MGA: variants seen among roughly 807,000 people sequenced by gnomAD.
MGA encodes the protein MAX dimerization protein MGA, also known as MAX gene-associated protein.
Under a neutral mutation model 261.1 loss-of-function variants are expected in MGA, and 40 were observed. The observed-to-expected ratio is 0.15, with a 90% CI of 0.12 to 0.20. The LOEUF (loss-of-function observed/expected upper bound fraction) is 0.20. Ranked by LOEUF, MGA falls within the 10% of genes least tolerant of loss-of-function variation. MGA has a pLI of 1.00. For missense variants in MGA, 3,397 were observed against 3,630.5 expected (o/e 0.94, Z 1.65); for synonymous variants, 1,302 against 1,290.6 (o/e 1.01, Z -0.19).
intron 1 of MGA, among the ~76,000 whole-genome samples, chr15:41,636,395 C>T (rs956561830): frequency 2.6e-5 from 4 of 151,242 alleles, no homozygotes; most frequent in Admixed American, 6.6e-5. Flanking sequence ...CAGGTTCAAG[C>T]GTTTCTTCTG....
Position 41,720,028 on chromosome 15 carries a change from C to T in MGA, c.3430+6532C>T, listed in dbSNP as rs1003436279. Among the ~76,000 whole-genome samples, 8 of 152,076 alleles carry T rather than the reference C, an allele frequency of 5.3e-5. 1 individual carries two copies. The highest frequency in any genetic ancestry group is 4.6e-4 in the Admixed American group (7 of 15,278). ...CTTTCATCTGTAATCTTATTTCAGT[C>T]CTAATCAAAACTCTGATAGCTTTTT... On this transcript the variant is annotated intron_variant, in intron 9 of 23. Coordinates refer to ENST00000219905, the MANE Select transcript of MGA (RefSeq NM_001164273.2).
chr15:41,750,742 A>G, intron 17 of MGA, 127 bp downstream of exon 17: 1 of 836,228 alleles, frequency 1.2e-6, no homozygotes, highest in South Asian at 1.9e-5. Context: ...TAAGATTATG[A>G]CTTAAATGGC....
chr15:41,705,094 A>G (rs996319350), intron 5 of MGA, among the ~76,000 whole-genome samples: 1 of 152,174 alleles, frequency 6.6e-6, no homozygotes. Context: ...ATTCAGCCAA[A>G]TTATTTTCTG....
At chr15:41,684,000 C>T (rs1016565572) in intron 2 of MGA, among the ~76,000 whole-genome samples, 5 of 152,012 alleles carry the variant, frequency 3.3e-5, no homozygotes, top group South Asian at 4.1e-4. Flanking sequence ...GCATGCTAAG[C>T]ACCAGTTTTA....
chr15:41,625,982 A>G (rs909916798), intron 1 of MGA, among the ~76,000 whole-genome samples: 4 of 152,210 alleles, frequency 2.6e-5, no homozygotes, highest in African/African-American at 9.6e-5. Context: ...TCACATTTAC[A>G]TAACTTTTAT....
intron 9 of MGA, among the ~76,000 whole-genome samples, chr15:41,723,207 G>A (rs2061042761): frequency 6.6e-6 from 1 of 152,030 alleles, no homozygotes; most frequent in Non-Finnish European, 1.5e-5. Context: ...AAGAGTAGGA[G>A]AATCTCTAGT....
intron 1 of MGA, among the ~76,000 whole-genome samples, chr15:41,639,509 A>G (rs1156302059): frequency 6.7e-6 from 1 of 150,004 alleles, no homozygotes; most frequent in East Asian, 1.9e-4. Flanking sequence ...AGTCAGGAGC[A>G]TGTAGTTTTT....
At chr15:41,695,905 G>A (rs150676015) in intron 2 of MGA, among the ~76,000 whole-genome samples, 170 bp from the exon 3 acceptor site, 38 of 152,230 alleles carry the variant, frequency 2.5e-4, no homozygotes, top group African/African-American at 6.3e-4. Flanking sequence ...CGCTTTACAG[G>A]GTTGTTAATC....
chr15:41,756,844 T>G (rs1029386025), intron 18 of MGA, among the ~76,000 whole-genome samples: 7 of 152,314 alleles, frequency 4.6e-5, no homozygotes, highest in African/African-American at 1.7e-4. Context: ...TCCTCGTGCC[T>G]TGGCCTCCTA....
At position 41,732,150 on chromosome 15, in the gene MGA, C is replaced by CT. The variant is rs934455098; in HGVS notation, c.3844-2357dup. ...AGCCCCTAAAATCCATTTTGTTATC[C>CT]TTTTTTTTTTTTTTTGGAGACGAAT... On this transcript the variant is annotated intron_variant, in intron 11 of 23. Transcript: ENST00000219905. Among the ~76,000 whole-genome samples, 1,364 of 141,012 alleles carry CT rather than the reference C, an allele frequency of 9.7e-3. 4 individuals are homozygous for CT. Among genetic ancestry groups the CT allele is most frequent in the African/African-American group, 0.015 (578 of 38,670 alleles). The allele number at this position is 141,012 out of a possible 152,430, so 92.5% of individuals were successfully genotyped here.
chr15:41,746,540 G>A (rs1261081602), intron 15 of MGA, among the ~76,000 whole-genome samples: 43 of 100,650 alleles, frequency 4.3e-4, no homozygotes, highest in African/African-American at 1.5e-3. Context: ...GCGAGACTTC[G>A]TCTCAAAAAA....
At chr15:41,708,710 A>C (rs939499907) in intron 7 of MGA, among the ~76,000 whole-genome samples, 13 of 152,224 alleles carry the variant, frequency 8.5e-5, no homozygotes, top group African/African-American at 3.1e-4. Context: ...AGGTTCAGTC[A>C]GGCTTAAATA....
intron 1 of MGA, among the ~76,000 whole-genome samples, chr15:41,631,382 T>G (rs2056584924): frequency 6.6e-6 from 1 of 152,186 alleles, no homozygotes; most frequent in African/African-American, 2.4e-5. Context: ...ATTTCATGTC[T>G]ATAAAGAAAG....
intron 2 of MGA, among the ~76,000 whole-genome samples, chr15:41,688,949 G>A (rs1440408651): frequency 6.6e-6 from 1 of 152,092 alleles, no homozygotes; most frequent in African/African-American, 2.4e-5. Context: ...AGCGGGGGAT[G>A]TCTCTCTTCC....
upstream of MGA, among the ~76,000 whole-genome samples, chr15:41,659,464 C>T (rs986875768): frequency 2.0e-5 from 3 of 152,204 alleles, no homozygotes; most frequent in East Asian, 1.9e-4. Flanking sequence ...TGCTCTCCTA[C>T]TCCCTACTTC....
chr15:41,747,771 T>G (rs1054639205), intron 15 of MGA, among the ~76,000 whole-genome samples: 81 of 152,188 alleles, frequency 5.3e-4, no homozygotes, highest in African/African-American at 1.9e-3. Context: ...GAGATAACCA[T>G]GTTTTTCTTT....
At chr15:41,685,954 G>A (rs1396750795) in intron 2 of MGA, among the ~76,000 whole-genome samples, 3 of 150,540 alleles carry the variant, frequency 2.0e-5, no homozygotes, top group Non-Finnish European at 4.4e-5. Flanking sequence ...GCAGGGAGCC[G>A]AGATCGTGCC....
intron 2 of MGA, among the ~76,000 whole-genome samples, chr15:41,678,392 T>C (rs2058494451): frequency 6.8e-6 from 1 of 147,716 alleles, no homozygotes; most frequent in Non-Finnish European, 1.5e-5. Flanking sequence ...CGCCGGAGTG[T>C]TTTTATTAGT....
chr15:41,728,746 G>A (rs1013229128), intron 10 of MGA, among the ~76,000 whole-genome samples: 11 of 151,928 alleles, frequency 7.2e-5, no homozygotes, highest in Non-Finnish European at 2.9e-5. Flanking sequence ...GTTATTCAGG[G>A]GTCAGCTGGA....
Sources: allele counts gnomAD v4.1 joint callset (sites outside exome capture counted in the v4.1 genomes callset), GRCh38; gene constraint gnomAD v4.1.1; transcripts MANE v1.5; gene names NCBI Gene and HGNC (gene_info 2026-07-23, HGNC 2026-07-21).